AMPD3: variants seen among roughly 807,000 people sequenced by gnomAD.
AMPD3 encodes the protein AMP deaminase 3.
Under a neutral mutation model 82.3 loss-of-function variants are expected in AMPD3, and 57 were observed. The observed-to-expected ratio is 0.69, with a 90% CI of 0.56 to 0.86. AMPD3 has a LOEUF of 0.86. AMPD3 is among the 40% of genes least tolerant of loss of function. AMPD3 has a pLI of 0.00. For missense variants in AMPD3, 870 were observed against 1,003.8 expected (o/e 0.87, Z 1.80); for synonymous variants, 381 against 394.7 (o/e 0.97, Z 0.41).
chr11:10,486,706 G>A (rs1222307927), intron 5 of AMPD3: 25 of 985,444 alleles, frequency 2.5e-5, no homozygotes, highest in Middle Eastern at 1.0e-3. Flanking sequence ...GCAACCCAAG[G>A]TGGGCAGGTC....
intron 6 of AMPD3, among the ~76,000 whole-genome samples, chr11:10,487,565 A>G (rs1849111669): frequency 6.6e-6 from 1 of 152,218 alleles, no homozygotes. Context: ...TGGGCCTCAG[A>G]CAGCACTTGA....
rs759143042 is a variant in AMPD3 at position 10,478,618 on chromosome 11, C to G, written c.314C>G (p.Ala105Gly). ...DWKGPPAASP[A>G]MSPTTPVVTG... ...AAGGGCCCCCCGGCAGCCAGTCCGG[C>G]CATGTCTCCCACAACCCCTGTGGTC... The change falls in exon 3 of 15, where the codon GCC becomes GGC. Residue 105 changes from alanine (A) to glycine (G), a missense_variant. Physicochemically the swap from Ala to Gly is moderately conservative, Grantham distance 60 (BLOSUM62 0). Coordinates refer to ENST00000396553, the MANE Select transcript of AMPD3 (RefSeq NM_001025389.2). The G allele has an allele frequency of 6.2e-7, 1 of 1,614,238 alleles. No individual in the cohort carries two copies.
intron 2 of AMPD3, among the ~76,000 whole-genome samples, chr11:10,464,494 T>C (rs1022973077): frequency 2.0e-5 from 3 of 152,138 alleles, no homozygotes; most frequent in Non-Finnish European, 4.4e-5. Flanking sequence ...GAGTCTTCGG[T>C]TCCCTGGTCT....
intron 10 of AMPD3, chr11:10,497,904 G>A (rs536452036): frequency 2.8e-5 from 26 of 933,806 alleles, no homozygotes; most frequent in South Asian, 1.5e-4. Context: ...AACAGTAAGC[G>A]GAATTATTAT....
rs1382499297 is a variant in AMPD3, at chr11:10,456,659, C to G, written c.-6+1211C>G. On this transcript the variant is annotated intron_variant, in intron 1 of 14. Coordinates refer to ENST00000396553, the MANE Select transcript of AMPD3 (RefSeq NM_001025389.2). The surrounding 1 kb of genome is among the most constrained non-coding windows in gnomAD (Gnocchi z 4.3). ...CTGACTGATGCTGGTGAATTCACAG[C>G]TAAGCCTCCCAAGCCTGCTGGCTTC... The G allele has an allele frequency of 4.2e-6, 4 of 961,752 alleles. No homozygotes were observed. In the African/African-American group the frequency reaches 7.0e-5, roughly 17 times the overall value. The allele number at this position is 961,752 out of a possible 1,614,324, so 59.6% of individuals were successfully genotyped here. A position where few individuals can be genotyped will look rare whatever the true frequency, so the allele number is the denominator to read the frequency against.
chr11:10,487,292 G>C lies in AMPD3; in HGVS notation c.867G>C (p.Glu289Asp). 1.2e-6 allele frequency: 2 copies of C among 1,614,184 alleles called. No individual in the cohort carries two copies. The highest frequency in any genetic ancestry group is 1.7e-6 in the Non-Finnish European group (2 of 1,180,024). Residue 289 changes from glutamate (E) to aspartate (D), a missense_variant, in exon 6 of 15, where the codon GAG (glutamate) becomes GAC (aspartate). Glu to Asp is a conservative substitution (Grantham distance 45). Transcript: ENST00000396553. Reference sequence around the variant, plus strand: ...TGGAATCCAAGTTCAGCCTTCATGAGATGTTAAACGAAATGTCCGAGTTCA... The same window carrying C: ...TGGAATCCAAGTTCAGCCTTCATGACATGTTAAACGAAATGTCCGAGTTCA... ...NFLESKFSLH[E>D]MLNEMSEFKE...
intron 3 of AMPD3, 58 bp from the exon 4 acceptor site, chr11:10,482,005 A>G: frequency 6.2e-7 from 1 of 1,609,322 alleles, no homozygotes; most frequent in Non-Finnish European, 8.5e-7. Context: ...CATCTTTCCA[A>G]GGATGGCAGT....
chr11:10,450,807 C>A (rs963486280), upstream of AMPD3: 1 of 1,183,642 alleles, frequency 8.4e-7, no homozygotes, highest in South Asian at 4.2e-5. Flanking sequence ...CCGGCTTCCT[C>A]CCTGCTGAGG....
chr11:10,478,859 G>A (rs1319220563), intron 3 of AMPD3, 129 bp downstream of exon 3: 3 of 1,065,842 alleles, frequency 2.8e-6, no homozygotes, highest in Non-Finnish European at 4.2e-6. Context: ...TGAAGAGGAG[G>A]CACAGGAGAC....
chr11:10,451,682 TGAAA>T (rs1847967662), upstream of AMPD3, among the ~76,000 whole-genome samples: 1 of 152,164 alleles, frequency 6.6e-6, no homozygotes, highest in African/African-American at 2.4e-5. Flanking sequence ...TGTATGTGGC[TGAAA>T]GCTTGATGGC....
At position 10,495,731 on chromosome 11, in the gene AMPD3, T is replaced by C; in HGVS notation, c.1428T>C (p.Ile476=). Residue 476 remains isoleucine (I), a splice_region_variant and synonymous_variant, in exon 9 of 15, where the codon ATT becomes ATC. Transcript: ENST00000396553. ...NMRWIIQVPR[I]YDIFRSKKLL... is the part of the protein sequence containing the mutation. ...GCTGGATCATCCAGGTGCCCCGGAT[T>C]TAGTAAGTGAGGTGGCCCGCTGTCT... The C allele has an allele frequency of 1.2e-6, 2 of 1,613,948 alleles. No homozygotes were observed. The highest frequency in any genetic ancestry group is 1.7e-6 in the Non-Finnish European group (2 of 1,179,988).
At chr11:10,501,648 G>A in intron 12 of AMPD3, 58 bp downstream of exon 12, 4 of 1,613,550 alleles carry the variant, frequency 2.5e-6, no homozygotes, top group Non-Finnish European at 3.4e-6. Flanking sequence ...TGGGCTCCTG[G>A]GAGGCTCAAC....
In AMPD3 at chr11:10,505,718, A is replaced by G; in HGVS notation, c.2138A>G (p.Lys713Arg). The G allele has an allele frequency of 1.2e-6, 2 of 1,613,868 alleles. No individual in the cohort carries two copies. The highest frequency in any genetic ancestry group is 1.7e-6 in the Non-Finnish European group (2 of 1,180,042). ...QSGLSHQEKQKFLGQNYYKEG... is the reference protein window; with the variant it reads ...QSGLSHQEKQRFLGQNYYKEG... ...TCTCTTGGTCCACAGGAAAAGCAAAAGTTTCTGGGACAAAATTATTATAAA... is the reference window on the plus strand; with the variant it reads ...TCTCTTGGTCCACAGGAAAAGCAAAGGTTTCTGGGACAAAATTATTATAAA... The change falls in exon 15 of 15, where the codon AAG becomes AGG. Residue 713 changes from lysine to arginine, a missense_variant. Transcript: ENST00000396553.
Position 10,456,407 on chromosome 11 carries a change from G to A in AMPD3, c.-6+959G>A, listed in dbSNP as rs1848095556. On this transcript the variant is annotated intron_variant, in intron 1 of 14. Transcript: ENST00000396553. This position sits in a 1 kb window ranked among gnomAD's most constrained non-coding sequence, Gnocchi z 4.3. ...CAGTCATGGAGCCAGGCTCAGGTCTGTGTCGGGGCTTCTGCAAGGGGAGTC... is the reference window on the plus strand; with the variant it reads ...CAGTCATGGAGCCAGGCTCAGGTCTATGTCGGGGCTTCTGCAAGGGGAGTC... 6.2e-7 allele frequency: 1 copy of A among 1,613,832 alleles called. No homozygotes were observed.
At chr11:10,482,664 G>A (rs188967139) in intron 4 of AMPD3, among the ~76,000 whole-genome samples, 2 of 143,154 alleles carry the variant, frequency 1.4e-5, no homozygotes, top group Non-Finnish European at 3.0e-5. Context: ...GGCACACACC[G>A]CCACACCCAG....
intron 1 of AMPD3, 107 bp downstream of exon 1, chr11:10,455,555 C>T (rs977945931): frequency 1.1e-5 from 6 of 549,206 alleles, no homozygotes; most frequent in East Asian, 1.4e-4. Context: ...TATCAGGCTT[C>T]GCAGTCACCT....
chr11:10,482,767 C>A (rs1848951660), intron 4 of AMPD3, among the ~76,000 whole-genome samples: 1 of 152,202 alleles, frequency 6.6e-6, no homozygotes, highest in Admixed American at 6.5e-5. Flanking sequence ...CTCAAGTGAT[C>A]CTCCTGCCTT....
At chr11:10,497,752 G>T (rs1280482789) in intron 10 of AMPD3, 27 of 985,186 alleles carry the variant, frequency 2.7e-5, no homozygotes, top group African/African-American at 3.5e-5. Context: ...AGAGTCAGGG[G>T]CCTGCCTGGA....
intron 7 of AMPD3, 27 bp downstream of exon 7, chr11:10,493,570 C>T: frequency 6.2e-7 from 1 of 1,611,240 alleles, no homozygotes; most frequent in Admixed American, 1.7e-5. Context: ...TCCAGTGCCG[C>T]CAGCAGACAG....
Sources: gnomAD v4.1 joint callset for allele counts (sites outside exome capture counted in the v4.1 genomes callset) on GRCh38, gnomAD v4.1.1 for gene constraint, Gnocchi (gnomAD v3.1) non-coding constraint, MANE v1.5 for transcripts, NCBI Gene and HGNC (gene_info 2026-07-23, HGNC 2026-07-21) for gene names.